The following ASB16 variants were observed in gnomAD, a reference collection of about 807,000 sequenced individuals.
ASB16 encodes ankyrin repeat and SOCS box containing 16, also known as ankyrin repeat and SOCS box protein 16.
In ASB16, 44 loss-of-function variants were observed where a neutral mutation model predicts 39.1. That is an observed-to-expected ratio of 1.13 (90% CI 0.88 to 1.45). ASB16 has a LOEUF of 1.45. ASB16 is among the 40% of genes most tolerant of loss of function. The probability of loss-of-function intolerance (pLI) is 0.00; values close to 1 mark genes in which losing one functional copy is unlikely to be tolerated. For missense variants in ASB16, 698 were observed against 634.5 expected, an observed-to-expected ratio of 1.10 and a Z score of -1.07; for synonymous variants, 305 against 286.7, an observed-to-expected ratio of 1.06 and a Z score of -0.64.
intron 2 of ASB16, among the ~76,000 whole-genome samples, chr17:44,173,941 A>T (rs1045178144): frequency 6.6e-6 from 1 of 151,154 alleles, no homozygotes; most frequent in East Asian, 1.9e-4. Flanking sequence ...CACAATCATG[A>T]CTCACTTGCA....
rs745311329 is a variant in ASB16 at position 44,178,224 on chromosome 17, G to A, written c.1196G>A (p.Ser399Asn). 2 of 1,613,158 alleles carry A rather than the reference G, an allele frequency of 1.2e-6. No homozygotes were observed. The highest frequency in any genetic ancestry group is 2.7e-5 in the African/African-American group (2 of 74,914). The change falls in exon 5 of 5, where the codon AGC becomes AAC. Residue 399 changes from serine (S) to asparagine (N), a missense_variant. By Grantham distance (46) the Ser-to-Asn change is conservative. Transcript: ENST00000293414. ...ELWKEHEAFY[S>N]SALCMVNQPR... ...GCCTAGGAGCACGAAGCCTTCTACAGCTCGGCCCTGTGCATGGTGAACCAG... is the reference window on the plus strand; with the variant it reads ...GCCTAGGAGCACGAAGCCTTCTACAACTCGGCCCTGTGCATGGTGAACCAG...
chr17:44,176,697 C>A, intron 2 of ASB16, 41 bp from the exon 3 acceptor site: 1 of 1,613,758 alleles, frequency 6.2e-7, no homozygotes, highest in African/African-American at 1.3e-5. Flanking sequence ...GGGTCCCAAG[C>A]CTTCAGGATT....
chr17:44,173,014 C>T (rs1309020047), intron 2 of ASB16, among the ~76,000 whole-genome samples: 2 of 148,676 alleles, frequency 1.3e-5, no homozygotes, highest in East Asian at 2.0e-4. Flanking sequence ...GCACAAGAAT[C>T]GCTTGAACCC....
chr17:44,176,635 A>C (rs766873502), intron 2 of ASB16, 103 bp from the exon 3 acceptor site: 1 of 1,530,888 alleles, frequency 6.5e-7, no homozygotes, highest in Non-Finnish European at 9.0e-7. Flanking sequence ...ACCAGGTAGG[A>C]CCTCAAGCTG....
rs539926942 is a variant in ASB16 at position 44,173,308 on chromosome 17, G to A, written c.569+995G>A. ...CTCGGGAGGCTGAGGCAGGAGAATC[G>A]CTTGAACCCGGGATGCAGAGGTTGC... On this transcript the variant is annotated intron_variant, in intron 2 of 4. Coordinates refer to ENST00000293414, the MANE Select transcript of ASB16 (RefSeq NM_080863.5). Among the ~76,000 whole-genome samples the A allele has an allele frequency of 2.1e-3, 285 of 135,930 alleles. 1 individual carries two copies. Among genetic ancestry groups the A allele is most frequent in the Non-Finnish European group, 3.5e-3 (217 of 62,772 alleles). 89.2% of individuals were successfully genotyped at this position (135,930 alleles called of 152,430 possible). A position where few individuals can be genotyped will look rare whatever the true frequency, so the allele number is the denominator to read the frequency against.
intron 2 of ASB16, among the ~76,000 whole-genome samples, chr17:44,175,400 TAAAAAA>T (rs10583057): frequency 2.5e-4 from 14 of 56,256 alleles, no homozygotes; most frequent in Non-Finnish European, 6.7e-5. Flanking sequence ...AGACTCCATC[TAAAAAA>T]AAAAAAAAAA....
Position 44,176,935 on chromosome 17 carries a change from G to A in ASB16, c.767G>A (p.Gly256Asp), listed in dbSNP as rs2054301167. The change falls in exon 3 of 5, where the codon GGC becomes GAC. Residue 256 changes from glycine to aspartate, a missense_variant. By Grantham distance (94) the Gly-to-Asp change is moderately conservative. Transcript: ENST00000293414. The stretch of plus-strand genomic sequence containing the variant: ...AACACGGCGTGCGCTGGGGCCGAGG[G>A]CCCAGGTAGCTGCAGGCGACACCAG... ...ALNTACAGAE[G>D]PGSCRRHQAA... 1 of 1,528,608 alleles carries A rather than the reference G, an allele frequency of 6.5e-7. No individual in the cohort carries two copies. Among genetic ancestry groups the A allele is most frequent in the African/African-American group, 1.4e-5 (1 of 71,064 alleles). 94.7% of individuals were successfully genotyped at this position (1,528,608 alleles called of 1,614,324 possible).
At chr17:44,177,586 C>G (rs1036764808) in intron 3 of ASB16, 23 bp from the exon 4 acceptor site, 10 of 1,610,220 alleles carry the variant, frequency 6.2e-6, no homozygotes, top group Non-Finnish European at 8.5e-6. Context: ...GGCATGTGCC[C>G]AAGACCCTCT....
intron 2 of ASB16, among the ~76,000 whole-genome samples, chr17:44,174,311 C>T (rs778709882): frequency 6.6e-6 from 1 of 152,082 alleles, no homozygotes; most frequent in Non-Finnish European, 1.5e-5. Flanking sequence ...TCCCAAAGTG[C>T]TGGGATTACA....
chr17:44,178,161 T>C (rs753449501), intron 4 of ASB16, 44 bp from the exon 5 acceptor site: 152 of 1,605,144 alleles, frequency 9.5e-5, no homozygotes, highest in Admixed American at 1.8e-4. Context: ...TGCCCCCAGA[T>C]GGTAGGGCAA....
At chr17:44,172,627 G>GT (rs894313400) in intron 2 of ASB16, among the ~76,000 whole-genome samples, 51 of 150,778 alleles carry the variant, frequency 3.4e-4, no homozygotes, top group African/African-American at 8.0e-4. Context: ...AAACCTAGCT[G>GT]TTTTTTTTTG....
intron 2 of ASB16, 63 bp downstream of exon 2, chr17:44,172,376 G>A: frequency 6.4e-7 from 1 of 1,557,134 alleles, no homozygotes; most frequent in Admixed American, 1.8e-5. Flanking sequence ...CAGCTCACAA[G>A]GCCAGAAGAG....
At position 44,176,873 on chromosome 17, in the gene ASB16, C is replaced by T. The variant is rs148188949; in HGVS notation, c.705C>T (p.Asp235=). 129 of 1,605,664 alleles carry T rather than the reference C, an allele frequency of 8.0e-5. No individual in the cohort carries two copies. The highest frequency in any genetic ancestry group is 1.1e-4 in the Non-Finnish European group (127 of 1,177,894). ...HVALYLEHGA[D]VGLRTSQGET... ...CTCTGTACCTGGAGCATGGCGCCGACGTGGGCCTGCGCACCAGCCAGGGCG... is the reference window on the plus strand; with the variant it reads ...CTCTGTACCTGGAGCATGGCGCCGATGTGGGCCTGCGCACCAGCCAGGGCG... The change falls in exon 3 of 5, where the codon GAC becomes GAT. Residue 235 remains aspartate, a synonymous_variant. Coordinates refer to ENST00000293414, the MANE Select transcript of ASB16 (RefSeq NM_080863.5).
rs149320042 is a variant in ASB16, at chr17:44,178,287, G to A, written c.1259G>A (p.Arg420His). Residue 420 changes from arginine (R) to histidine (H), a missense_variant, in exon 5 of 5, where the codon CGC becomes CAC. Physicochemically the swap from Arg to His is conservative, Grantham distance 29. Coordinates refer to ENST00000293414, the MANE Select transcript of ASB16 (RefSeq NM_080863.5). Reference protein sequence around the residue: ...QLQHLARLAVRARLGSRCRQG... With the variant: ...QLQHLARLAVHARLGSRCRQG... ...CAGCACCTGGCCCGACTAGCTGTGC[G>A]CGCTCGGTTGGGAAGCCGCTGCCGG... The A allele has an allele frequency of 9.9e-6, 16 of 1,612,978 alleles. No individual in the cohort carries two copies. The highest frequency in any genetic ancestry group is 1.7e-4 in the Middle Eastern group (1 of 5,986).
chr17:44,177,378 A>G (rs1164477425), intron 3 of ASB16, 148 bp downstream of exon 3: 1 of 1,266,698 alleles, frequency 7.9e-7, no homozygotes. Flanking sequence ...GGAGGGGGAG[A>G]GAGGATTCTG....
intron 2 of ASB16, among the ~76,000 whole-genome samples, chr17:44,175,331 G>A (rs1441807565): frequency 6.7e-6 from 1 of 149,194 alleles, no homozygotes; most frequent in Admixed American, 6.7e-5. Context: ...GAACCCGGGA[G>A]GCGGAACTTG....
intron 3 of ASB16, 49 bp downstream of exon 3, chr17:44,177,279 CG>C: frequency 6.8e-7 from 1 of 1,478,848 alleles, no homozygotes; most frequent in Non-Finnish European, 9.0e-7. Flanking sequence ...GGGGAGCCCG[CG>C]GCTGGAACTG....
At position 44,175,862 on chromosome 17, in the gene ASB16, A is replaced by G. The variant is rs561592461; in HGVS notation, c.570-876A>G. 3.3e-5 allele frequency: 5 copies of G among 152,170 alleles called. No homozygotes were observed. The South Asian group carries it at 1.0e-3, about 32-fold the overall frequency. 9.4% of individuals were successfully genotyped at this position (152,170 alleles called of 1,614,324 possible). A position where few individuals can be genotyped will look rare whatever the true frequency, so the allele number is the denominator to read the frequency against. On this transcript the variant is annotated intron_variant, in intron 2 of 4. Transcript: ENST00000293414. ...TGGTTTTGTTTGTTTTCCCTAGGGG[A>G]AAGTGGAGGAGGATGGCCCCAAGTG...
At position 44,176,914 on chromosome 17, in the gene ASB16, C is replaced by CT. The variant is rs1343203321; in HGVS notation, c.746_747insT (p.Ala250GlyfsTer10). 5 of 1,565,634 alleles carry CT rather than the reference C, an allele frequency of 3.2e-6. No individual in the cohort carries two copies. The South Asian group carries it at 4.6e-5, about 14-fold the overall frequency. On this transcript the variant is annotated frameshift_variant, in exon 3 of 5. Coordinates refer to ENST00000293414, the MANE Select transcript of ASB16 (RefSeq NM_080863.5). LOFTEE classifies it high-confidence loss of function. ...AGCCAGGGCGAGACTGCGCTGAACA[C>CT]GGCGTGCGCTGGGGCCGAGGGCCCA...
Sources: gnomAD v4.1 joint callset for allele counts (sites outside exome capture counted in the v4.1 genomes callset) on GRCh38, gnomAD v4.1.1 for gene constraint, MANE v1.5 for transcripts, NCBI Gene and HGNC (gene_info 2026-07-23, HGNC 2026-07-21) for gene names.